Variants in FGF12 observed in about 807,000 individuals in gnomAD.
FGF12 encodes fibroblast growth factor 12, also known as fibroblast growth factor 12B.
Under a neutral mutation model 23.6 loss-of-function variants are expected in FGF12, and 14 were observed. That is an observed-to-expected ratio of 0.59 (90% confidence interval 0.39 to 0.93). FGF12 has a LOEUF of 0.93. Ranked by LOEUF, FGF12 falls within the 40% of genes least tolerant of loss-of-function variation. The pLI, the probability that FGF12 is intolerant of heterozygous loss-of-function variation, is 0.00. For missense variants in FGF12, 175 were observed against 217.8 expected, an observed-to-expected ratio of 0.80 and a Z score of 1.24; for synonymous variants, 62 against 77.3, an observed-to-expected ratio of 0.80 and a Z score of 1.04.
chr3:192,425,058 G>A (rs1721651720), intron 2 of FGF12, among the ~76,000 whole-genome samples: 1 of 152,112 alleles, frequency 6.6e-6, no homozygotes, highest in Non-Finnish European at 1.5e-5. Context: ...GTGAAGGAGA[G>A]GAAGAAAAGC....
At chr3:192,687,349 ACT>A (rs1717784397) in intron 2 of FGF12, among the ~76,000 whole-genome samples, 1 of 151,034 alleles carries the variant, frequency 6.6e-6, no homozygotes, top group South Asian at 2.1e-4. Context: ...GGCAGTGAAG[ACT>A]CTCACGCCCC....
chr3:192,604,306 G>A (rs1002681618), intron 2 of FGF12, among the ~76,000 whole-genome samples: 42 of 152,242 alleles, frequency 2.8e-4, no homozygotes, highest in Admixed American at 2.3e-3. Flanking sequence ...CTGAGGTGAC[G>A]TACATCCTCA....
chr3:192,404,366 C>T (rs1407934237), intron 2 of FGF12, among the ~76,000 whole-genome samples: 2 of 152,156 alleles, frequency 1.3e-5, no homozygotes, highest in Non-Finnish European at 2.9e-5. Context: ...CTACAAACAC[C>T]TTTCCCTCCT....
chr3:192,371,255 C>G (rs1191187144), intron 2 of FGF12, among the ~76,000 whole-genome samples: 1 of 152,182 alleles, frequency 6.6e-6, no homozygotes, highest in Non-Finnish European at 1.5e-5. Context: ...TATGAAGAAA[C>G]AAAACACCAG....
At chr3:192,474,031 G>C (rs1049637176) in intron 2 of FGF12, among the ~76,000 whole-genome samples, 3 of 152,182 alleles carry the variant, frequency 2.0e-5, no homozygotes, top group African/African-American at 7.2e-5. Context: ...CAGCTTTATA[G>C]TTGGTCTTCA....
At chr3:192,624,113 A>C (rs1715071281) in intron 2 of FGF12, among the ~76,000 whole-genome samples, 1 of 152,100 alleles carries the variant, frequency 6.6e-6, no homozygotes, top group African/African-American at 2.4e-5. Flanking sequence ...TAATAGCAAA[A>C]ATTAGTGAAA....
At chr3:192,668,204 A>C (rs1018160203) in intron 2 of FGF12, among the ~76,000 whole-genome samples, 1 of 152,198 alleles carries the variant, frequency 6.6e-6, no homozygotes, top group Non-Finnish European at 1.5e-5. Context: ...TAAGTAACTA[A>C]AAGATGCAAC....
chr3:192,613,808 T>C (rs995208094), intron 2 of FGF12, among the ~76,000 whole-genome samples: 2 of 151,964 alleles, frequency 1.3e-5, no homozygotes, highest in Non-Finnish European at 2.9e-5. Context: ...TCCAACCCTG[T>C]GTACAGGCTC....
At chr3:192,302,787 T>C (rs73066539) in intron 4 of FGF12, among the ~76,000 whole-genome samples, 3,186 of 152,248 alleles carry the variant, frequency 0.021, 111 homozygotes, top group African/African-American at 0.073. Flanking sequence ...AAGTCTTGCA[T>C]TGGTGCCTGA....
chr3:192,642,023 A>G (rs997689107), intron 2 of FGF12, among the ~76,000 whole-genome samples: 13 of 152,232 alleles, frequency 8.5e-5, no homozygotes, highest in Admixed American at 8.5e-4. Context: ...TCTTTTGTTT[A>G]TAAATTAGAC....
chr3:192,207,870 C>T (rs532128160), intron 4 of FGF12, among the ~76,000 whole-genome samples: 2 of 152,270 alleles, frequency 1.3e-5, no homozygotes, highest in South Asian at 2.1e-4. Context: ...ATTTCAGACA[C>T]GCTGAAGTGG....
chr3:192,707,739 C>G (rs1718518617), intron 2 of FGF12, among the ~76,000 whole-genome samples: 1 of 14,536 alleles, frequency 6.9e-5, no homozygotes, highest in Admixed American at 4.1e-4. Context: ...AGCGAGACTC[C>G]TTCTCAAAAA....
intron 2 of FGF12, among the ~76,000 whole-genome samples, chr3:192,460,957 GTA>G (rs1267267092): frequency 2.0e-5 from 3 of 152,004 alleles, no homozygotes; most frequent in Non-Finnish European, 4.4e-5. Flanking sequence ...TTTATCCAGA[GTA>G]CATATATTCA....
intron 5 of FGF12, among the ~76,000 whole-genome samples, chr3:192,145,618 T>C (rs1713652925): frequency 6.6e-6 from 1 of 152,222 alleles, no homozygotes; most frequent in Non-Finnish European, 1.5e-5. Context: ...GAATAAAATA[T>C]GTGTGTTAAG....
chr3:192,317,675 A>T (rs1395637469), intron 4 of FGF12, among the ~76,000 whole-genome samples: 1 of 152,088 alleles, frequency 6.6e-6, no homozygotes, highest in African/African-American at 2.4e-5. Context: ...CCTTGAAGGG[A>T]GCAAGCCTGG....
intron 2 of FGF12, among the ~76,000 whole-genome samples, chr3:192,577,056 C>T (rs539213981): frequency 3.3e-5 from 5 of 151,902 alleles, no homozygotes; most frequent in Admixed American, 6.5e-5. Flanking sequence ...GGCCTGTCGG[C>T]GGGTGGGGGA....
chr3:192,568,726 G>C (rs1023295870), intron 2 of FGF12, among the ~76,000 whole-genome samples: 7 of 152,060 alleles, frequency 4.6e-5, no homozygotes, highest in Non-Finnish European at 2.9e-5. Flanking sequence ...AGACTATAGA[G>C]ATGGGCAAGA....
intron 2 of FGF12, among the ~76,000 whole-genome samples, chr3:192,578,546 A>T (rs1381742951): frequency 6.6e-6 from 1 of 152,170 alleles, no homozygotes; most frequent in Non-Finnish European, 1.5e-5. Flanking sequence ...TGCCTCTCAG[A>T]TTAGATTTGT....
intron 2 of FGF12, among the ~76,000 whole-genome samples, chr3:192,539,024 T>C (rs1444063521): frequency 6.6e-6 from 1 of 152,198 alleles, no homozygotes; most frequent in Non-Finnish European, 1.5e-5. Flanking sequence ...TGTTGATCAA[T>C]TTGAATAATT....
Sources: gnomAD v4.1 joint callset for allele counts (sites outside exome capture counted in the v4.1 genomes callset) on GRCh38, gnomAD v4.1.1 for gene constraint, MANE v1.5 for transcripts, NCBI Gene and HGNC (gene_info 2026-07-23, HGNC 2026-07-21) for gene names.